Variants in PIK3CB observed in about 807,000 individuals in gnomAD.
The protein encoded by PIK3CB is phosphatidylinositol 4,5-bisphosphate 3-kinase catalytic subunit beta isoform.
PIK3CB carries 39 observed loss-of-function variants against 136.8 expected under a neutral mutation model. The observed-to-expected ratio is 0.29, with a 90% CI of 0.22 to 0.37. PIK3CB has a LOEUF of 0.37. Among genes scored for constraint, PIK3CB ranks in the 10% least tolerant of loss-of-function variants. The pLI is 1.00. For missense variants in PIK3CB, 868 were observed against 1,275.4 expected (o/e 0.68, Z 4.87); for synonymous variants, 428 against 436.6 (o/e 0.98, Z 0.25).
At chr3:138,710,591 G>A (rs1037981340) in intron 10 of PIK3CB, among the ~76,000 whole-genome samples, 1 of 152,156 alleles carries the variant, frequency 6.6e-6, no homozygotes, top group Non-Finnish European at 1.5e-5. Flanking sequence ...GGGAAGATTT[G>A]AATAGTCTTT....
At chr3:138,673,999 G>C (rs1351199170) in intron 19 of PIK3CB, among the ~76,000 whole-genome samples, 1 of 151,872 alleles carries the variant, frequency 6.6e-6, no homozygotes, top group Non-Finnish European at 1.5e-5. Context: ...CTTTTTCCTG[G>C]GGAGTTTCTC....
At chr3:138,821,580 G>A (rs1484728533) in intron 1 of PIK3CB, among the ~76,000 whole-genome samples, 1 of 151,684 alleles carries the variant, frequency 6.6e-6, no homozygotes, top group East Asian at 2.0e-4. Context: ...AGGTCAGGAG[G>A]TCAAGACCAG....
intron 5 of PIK3CB, among the ~76,000 whole-genome samples, chr3:138,741,390 A>G (rs1362235405): frequency 1.3e-5 from 2 of 152,240 alleles, no homozygotes; most frequent in East Asian, 1.9e-4. Flanking sequence ...GAACTGGAGA[A>G]TATATGAAAA....
intron 9 of PIK3CB, among the ~76,000 whole-genome samples, chr3:138,714,224 C>T (rs57216562): frequency 0.024 from 3,706 of 151,844 alleles, 149 homozygotes; most frequent in African/African-American, 0.085. Flanking sequence ...TAAAATAAAC[C>T]TGCCAAAAGA....
At chr3:138,823,094 C>A (rs1933633757) in intron 1 of PIK3CB, among the ~76,000 whole-genome samples, 1 of 150,600 alleles carries the variant, frequency 6.6e-6, no homozygotes, top group South Asian at 2.1e-4. Context: ...ACAATGGCAA[C>A]AATTTGTAAT....
rs1024829772 is a variant in PIK3CB at position 138,785,083 on chromosome 3, G to A, written c.-17+11380C>T. 5.3e-5 allele frequency among the ~76,000 whole-genome samples: 8 copies of A among 152,052 alleles called. No individual in the cohort carries two copies. In the South Asian group the frequency reaches 8.3e-4, roughly 16 times the overall value. ...TGAAGAGCATCTCTGCCCAGCAGCC[G>A]CCCTGTCCGGGAGGTGGGGGGCAGC... On this transcript the variant is annotated intron_variant, in intron 2 of 23. Coordinates refer to ENST00000674063, the MANE Select transcript of PIK3CB (RefSeq NM_006219.3).
intron 1 of PIK3CB, among the ~76,000 whole-genome samples, chr3:138,804,924 C>T (rs1040353195): frequency 2.6e-5 from 4 of 152,062 alleles, no homozygotes; most frequent in African/African-American, 9.7e-5. Flanking sequence ...ACTCGGAAAG[C>T]TGAGGCAGGA....
intron 19 of PIK3CB, among the ~76,000 whole-genome samples, chr3:138,677,796 G>A (rs908055512): frequency 6.6e-6 from 1 of 152,152 alleles, no homozygotes; most frequent in Non-Finnish European, 1.5e-5. Flanking sequence ...TCGGGAGGCT[G>A]AGGCAGGAGA....
chr3:138,788,734 G>A (rs1483649077), intron 2 of PIK3CB, among the ~76,000 whole-genome samples: 63 of 150,672 alleles, frequency 4.2e-4, no homozygotes, highest in Admixed American at 2.9e-3. Flanking sequence ...AGGCCAAGGC[G>A]GGCGGATCAC....
chr3:138,757,478 AACACACAC>A lies in PIK3CB; in HGVS notation c.172-1507_172-1500del, dbSNP rs146470519. On this transcript the variant is annotated intron_variant, in intron 3 of 23. Coordinates refer to ENST00000674063, the MANE Select transcript of PIK3CB (RefSeq NM_006219.3). ...ACATCCATTAGGATGGATACTATTA[AACACACAC>A]ACACACACACACACACACACACACA... Among the ~76,000 whole-genome samples the A allele has an allele frequency of 8.7e-3, 1,180 of 136,400 alleles. 12 individuals carry two copies. The highest frequency in any genetic ancestry group is 0.02 in the African/African-American group (727 of 35,912). The allele number at this position is 136,400 out of a possible 152,430, so 89.5% of individuals were successfully genotyped here. A position where few individuals can be genotyped will look rare whatever the true frequency, so the allele number is the denominator to read the frequency against.
chr3:138,825,114 G>A, intron 1 of PIK3CB: 1 of 285,272 alleles, frequency 3.5e-6, no homozygotes, highest in Non-Finnish European at 6.4e-6. Flanking sequence ...CTTCAAGTAT[G>A]CCTGGGTCTT....
intron 1 of PIK3CB, among the ~76,000 whole-genome samples, chr3:138,800,335 AC>A: frequency 6.7e-6 from 1 of 149,570 alleles, no homozygotes; most frequent in South Asian, 2.1e-4. Flanking sequence ...AACCCATGAC[AC>A]TTTTTTTTTT....
At chr3:138,746,060 A>G in intron 4 of PIK3CB, among the ~76,000 whole-genome samples, 1 of 152,124 alleles carries the variant, frequency 6.6e-6, no homozygotes, top group East Asian at 1.9e-4. Context: ...CAGCCTGGGC[A>G]ACATAGTGAG....
chr3:138,821,666 T>G (rs1390454224), intron 1 of PIK3CB, among the ~76,000 whole-genome samples: 1 of 151,938 alleles, frequency 6.6e-6, no homozygotes, highest in Non-Finnish European at 1.5e-5. Flanking sequence ...GCACCTGTAA[T>G]TCCAGCTACT....
chr3:138,720,602 T>A (rs1471475804), intron 8 of PIK3CB, among the ~76,000 whole-genome samples: 3 of 152,124 alleles, frequency 2.0e-5, no homozygotes, highest in Non-Finnish European at 4.4e-5. Context: ...TGAGGTGGCT[T>A]ACACCTGTAA....
chr3:138,695,931 A>ATTTTTTTT (rs34470924), intron 13 of PIK3CB, among the ~76,000 whole-genome samples: 36 of 90,796 alleles, frequency 4.0e-4, no homozygotes, highest in African/African-American at 5.4e-4. Context: ...AATTTTTTGT[A>ATTTTTTTT]TTTTTTTTTT....
At chr3:138,745,700 A>G (rs1373695807) in intron 4 of PIK3CB, among the ~76,000 whole-genome samples, 1 of 152,162 alleles carries the variant, frequency 6.6e-6, no homozygotes, top group Non-Finnish European at 1.5e-5. Context: ...GATGGAACCA[A>G]TCCAGAAAAA....
chr3:138,783,668 A>C (rs2045944805), intron 2 of PIK3CB, among the ~76,000 whole-genome samples: 2 of 152,076 alleles, frequency 1.3e-5, no homozygotes, highest in Non-Finnish European at 1.5e-5. Flanking sequence ...AGACCTGAGA[A>C]ACCTTAAGCA....
intron 8 of PIK3CB, among the ~76,000 whole-genome samples, chr3:138,716,466 TC>T (rs1378529531): frequency 1.3e-5 from 2 of 152,216 alleles, no homozygotes; most frequent in East Asian, 3.8e-4. Context: ...AGCTACTCAG[TC>T]ACCTCTGTCT....
Sources: gnomAD v4.1 joint callset for allele counts (sites outside exome capture counted in the v4.1 genomes callset) on GRCh38, gnomAD v4.1.1 for gene constraint, MANE v1.5 for transcripts, NCBI Gene and HGNC (gene_info 2026-07-23, HGNC 2026-07-21) for gene names.